Variants in FHIP1A observed in about 807,000 individuals in gnomAD.
FHIP1A encodes the protein FHF complex subunit HOOK-interacting protein 1A.
FHIP1A carries 61 observed loss-of-function variants against 88.6 expected under a neutral mutation model. That is an observed-to-expected ratio of 0.69 (90% CI 0.56 to 0.85). FHIP1A has a LOEUF of 0.85. Among genes scored for constraint, FHIP1A ranks in the 40% least tolerant of loss-of-function variants. The pLI, the probability that FHIP1A is intolerant of heterozygous loss-of-function variation, is 0.00. For synonymous variants in FHIP1A, 478 were observed against 496.0 expected (o/e 0.96, Z 0.48); for missense variants, 1,154 against 1,273.5 (o/e 0.91, Z 1.43).
intron 1 of FHIP1A, among the ~76,000 whole-genome samples, chr4:151,440,621 C>T (rs959613697): frequency 2.0e-5 from 3 of 152,066 alleles, no homozygotes; most frequent in Non-Finnish European, 4.4e-5. Context: ...AGGATAGTCA[C>T]CACCATCATG....
At chr4:151,555,838 T>C (rs1267115429) in intron 3 of FHIP1A, among the ~76,000 whole-genome samples, 1 of 152,154 alleles carries the variant, frequency 6.6e-6, no homozygotes, top group African/African-American at 2.4e-5. Context: ...AACGAGTAAT[T>C]ATGGTTTTGT....
At chr4:151,569,280 G>T (rs1455207678) in intron 4 of FHIP1A, among the ~76,000 whole-genome samples, 1 of 152,170 alleles carries the variant, frequency 6.6e-6, no homozygotes, top group Admixed American at 6.5e-5. Flanking sequence ...TTGGCCGGGC[G>T]CTGTGGCTCA....
At chr4:151,517,619 C>G (rs1387392640) in intron 3 of FHIP1A, among the ~76,000 whole-genome samples, 1 of 152,068 alleles carries the variant, frequency 6.6e-6, no homozygotes, top group African/African-American at 2.4e-5. Flanking sequence ...TATTCATGCA[C>G]TGCATAAAGA....
chr4:151,535,077 T>G (rs1732015383), intron 3 of FHIP1A, among the ~76,000 whole-genome samples: 1 of 151,984 alleles, frequency 6.6e-6, no homozygotes, highest in African/African-American at 2.4e-5. Flanking sequence ...CAGCCGGGTG[T>G]GGTGGTGCAC....
At chr4:151,442,728 A>C (rs1294987583) in intron 1 of FHIP1A, among the ~76,000 whole-genome samples, 2 of 152,130 alleles carry the variant, frequency 1.3e-5, no homozygotes, top group Non-Finnish European at 2.9e-5. Context: ...TACATGGTAC[A>C]AATTGGGAAG....
Position 151,650,524 on chromosome 4 carries a change from T to C in FHIP1A, c.2483T>C (p.Phe828Ser), listed in dbSNP as rs1465118301. 2 of 1,551,432 alleles carry C rather than the reference T, an allele frequency of 1.3e-6. No homozygotes were observed. The highest frequency in any genetic ancestry group is 2.0e-5 in the Admixed American group (1 of 51,006). ...GCTGTAGAGACTGTGCCTTCCCCATTTGTGGGGAGAGATGAGGCTGCCTTT... is the reference window on the plus strand; with the variant it reads ...GCTGTAGAGACTGTGCCTTCCCCATCTGTGGGGAGAGATGAGGCTGCCTTT... ...MPAVETVPSP[F>S]VGRDEAAFAS... The change falls in exon 11 of 14, where the codon TTT (phenylalanine) becomes TCT (serine). Residue 828 changes from phenylalanine (F) to serine (S), a missense_variant. Phe to Ser is a radical substitution (Grantham distance 155). Transcript: ENST00000435205.
At chr4:151,413,211 T>C (rs1186169235) in intron 1 of FHIP1A, among the ~76,000 whole-genome samples, 3 of 152,278 alleles carry the variant, frequency 2.0e-5, no homozygotes, top group African/African-American at 7.2e-5. Context: ...AATACCTTGA[T>C]AGATTGAATA....
At position 151,656,426 on chromosome 4, in the gene FHIP1A, C is replaced by A; in HGVS notation, c.2730+16C>A. 2.6e-6 allele frequency: 4 copies of A among 1,550,174 alleles called. No homozygotes were observed. The highest frequency in any genetic ancestry group is 3.5e-6 in the Non-Finnish European group (4 of 1,145,868). On this transcript the variant is annotated intron_variant, in intron 12 of 13. Coordinates refer to ENST00000435205, the MANE Select transcript of FHIP1A (RefSeq NM_001109977.3). This position sits in a 1 kb window ranked among gnomAD's most constrained non-coding sequence, Gnocchi z 4.2. ...TCTCTATCAGGTATGTTAGCTGAAC[C>A]CACATCCACACCTGTTGATTTTGTG...
At position 151,656,682 on chromosome 4, in the gene FHIP1A, C is replaced by T; in HGVS notation, c.2731-78C>T. 2 of 1,428,518 alleles carry T rather than the reference C, an allele frequency of 1.4e-6. No homozygotes were observed. The highest frequency in any genetic ancestry group is 2.7e-5 in the South Asian group (2 of 73,182). 88.5% of individuals were successfully genotyped at this position (1,428,518 alleles called of 1,614,324 possible). A position where few individuals can be genotyped will look rare whatever the true frequency, so the allele number is the denominator to read the frequency against. ...CATAATAGTTCCCATAATGAGGGTG[C>T]TACCTGCAAGATATATTGATAACTG... On this transcript the variant is annotated intron_variant, in intron 12 of 13. Transcript: ENST00000435205. This position sits in a 1 kb window ranked among gnomAD's most constrained non-coding sequence, Gnocchi z 4.2.
At chr4:151,634,092 A>G (rs1285726922) in intron 8 of FHIP1A, among the ~76,000 whole-genome samples, 1 of 151,904 alleles carries the variant, frequency 6.6e-6, no homozygotes, top group Non-Finnish European at 1.5e-5. Flanking sequence ...ACAGGATACA[A>G]AGTCAACGCA....
At chr4:151,548,607 A>G (rs1490625706) in intron 3 of FHIP1A, among the ~76,000 whole-genome samples, 3 of 152,162 alleles carry the variant, frequency 2.0e-5, no homozygotes, top group African/African-American at 4.8e-5. Context: ...CAGTTTGCAA[A>G]TGAAATGGCA....
chr4:151,453,868 TCAAAAA>T (rs530753127), intron 1 of FHIP1A, among the ~76,000 whole-genome samples: 13 of 151,868 alleles, frequency 8.6e-5, no homozygotes, highest in East Asian at 7.7e-4. Context: ...AAACTCCATC[TCAAAAA>T]CAAAAACAAA....
Position 151,501,880 on chromosome 4 carries a change from TACAAAGAAAC to T in FHIP1A, c.-123+19238_-123+19247del, listed in dbSNP as rs576855141. 5.9e-4 allele frequency among the ~76,000 whole-genome samples: 90 copies of T among 151,412 alleles called. 1 individual carries two copies. In the East Asian group the frequency reaches 0.015, roughly 25 times the overall value. ...GGTTCTCAACAAAAACTACAAATCC[TACAAAGAAAC>T]ACAAAAGTATGGCCATTCATAGGAA... On this transcript the variant is annotated intron_variant, in intron 3 of 13. Coordinates refer to ENST00000435205, the MANE Select transcript of FHIP1A (RefSeq NM_001109977.3).
intron 8 of FHIP1A, among the ~76,000 whole-genome samples, chr4:151,634,913 C>T (rs1736292779): frequency 6.6e-6 from 1 of 151,616 alleles, no homozygotes; most frequent in African/African-American, 2.4e-5. Context: ...TCAAACTTAA[C>T]AACTTAGGCG....
intron 13 of FHIP1A, among the ~76,000 whole-genome samples, chr4:151,658,051 A>G (rs1737315303): frequency 6.6e-6 from 1 of 152,202 alleles, no homozygotes; most frequent in African/African-American, 2.4e-5. Flanking sequence ...CCACTGGTAA[A>G]GCGAGGAGTC....
At chr4:151,426,630 C>A (rs1733385020) in intron 1 of FHIP1A, among the ~76,000 whole-genome samples, 1 of 152,100 alleles carries the variant, frequency 6.6e-6, no homozygotes, top group Admixed American at 6.5e-5. Context: ...TCTTGCCAGG[C>A]AGATGAAATC....
chr4:151,644,800 G>C (rs1051601476), intron 9 of FHIP1A, among the ~76,000 whole-genome samples: 5 of 152,142 alleles, frequency 3.3e-5, no homozygotes, highest in East Asian at 3.9e-4. Context: ...CCCTGTTCCT[G>C]CTGTGCACCC....
rs1737660899 is a variant in FHIP1A, at chr4:151,666,223, CA to C, written c.*3471del. The stretch of plus-strand genomic sequence containing the variant: ...ACATAATTTCATGGGTGGTAAAATA[CA>C]ATTTCCCAACCATGAAATGGGAGTG... On this transcript the variant is annotated 3_prime_UTR_variant, in exon 14 of 14. Coordinates refer to ENST00000435205, the MANE Select transcript of FHIP1A (RefSeq NM_001109977.3). Among the ~76,000 whole-genome samples, 1 of 152,178 alleles carries C rather than the reference CA, an allele frequency of 6.6e-6. No individual in the cohort carries two copies.
At chr4:151,440,304 C>A (rs950498976) in intron 1 of FHIP1A, among the ~76,000 whole-genome samples, 4 of 152,264 alleles carry the variant, frequency 2.6e-5, no homozygotes, top group Middle Eastern at 3.4e-3. Flanking sequence ...GAGGACACAG[C>A]CAAACCATGT....
Sources: gnomAD v4.1 joint callset for allele counts (sites outside exome capture counted in the v4.1 genomes callset) on GRCh38, gnomAD v4.1.1 for gene constraint, Gnocchi (gnomAD v3.1) non-coding constraint, MANE v1.5 for transcripts, NCBI Gene and HGNC (gene_info 2026-07-23, HGNC 2026-07-21) for gene names.